The following COXFA4L2 variants were observed in gnomAD, a reference collection of about 807,000 sequenced individuals.
COXFA4L2 encodes cytochrome c oxidase hypoxia associated subunit FA4L2.
At chr12:57,237,446 T>C in the COXFA4L2 span, 3 of 857,992 alleles carry the variant, frequency 3.5e-6, no homozygotes, top group East Asian at 1.6e-4. Context: ...GGACAGGCAC[T>C]TAGCAAAATG....
the COXFA4L2 span, chr12:57,237,157 G>A: frequency 6.2e-7 from 1 of 1,613,710 alleles, no homozygotes; most frequent in East Asian, 2.2e-5. Flanking sequence ...CCGCCCCTGA[G>A]TGGGGAGGGA....
chr12:57,239,125 C>A, the COXFA4L2 span, among the ~76,000 whole-genome samples: 1 of 152,260 alleles, frequency 6.6e-6, no homozygotes, highest in African/African-American at 2.4e-5. This position sits in a 1 kb window ranked among gnomAD's most constrained non-coding sequence, Gnocchi z 5.5. Context: ...AAGCGCTAAC[C>A]CGCACCAGGA....
At chr12:57,235,948 C>T in the COXFA4L2 span, 30 of 605,078 alleles carry the variant, frequency 5.0e-5, no homozygotes, top group Non-Finnish European at 7.8e-5. Flanking sequence ...GGTCCCATTT[C>T]CCAGATACTG....
the COXFA4L2 span, chr12:57,240,749 C>T: frequency 1.0e-6 from 1 of 985,432 alleles, no homozygotes; most frequent in African/African-American, 1.7e-5. Context: ...ATACACAGAC[C>T]TGCAGGCGGA....
At chr12:57,236,278 C>T in the COXFA4L2 span, 1 of 384,636 alleles carries the variant, frequency 2.6e-6, no homozygotes, top group African/African-American at 2.1e-5. Context: ...GCCACAACCC[C>T]AGTGCTCTGG....
the COXFA4L2 span, chr12:57,237,327 T>G: frequency 7.0e-7 from 1 of 1,418,674 alleles, no homozygotes; most frequent in Admixed American, 2.9e-5. Flanking sequence ...CTCCTCCAGA[T>G]GTCTGCACCT....
At chr12:57,236,507 G>A in the COXFA4L2 span, 2 of 1,159,792 alleles carry the variant, frequency 1.7e-6, no homozygotes, top group East Asian at 2.6e-5. Context: ...CATGCAGCAG[G>A]GCACGGGATC....
At chr12:57,237,284 C>T in the COXFA4L2 span, 3 of 1,437,148 alleles carry the variant, frequency 2.1e-6, no homozygotes, top group South Asian at 1.5e-5. Flanking sequence ...GGGGAATTGT[C>T]TGGGAGCCAA....
chr12:57,237,259 G>A, the COXFA4L2 span: 2 of 1,464,382 alleles, frequency 1.4e-6, no homozygotes, highest in Non-Finnish European at 1.8e-6. Context: ...CTCAATTCCA[G>A]GCCCAAAGCC....
At chr12:57,236,674 G>C in the COXFA4L2 span, 3 of 1,565,086 alleles carry the variant, frequency 1.9e-6, no homozygotes, top group Admixed American at 5.8e-5. Context: ...GCCGATCATC[G>C]GGATGATCTG....
chr12:57,236,902 TG>T, the COXFA4L2 span: 1 of 1,338,146 alleles, frequency 7.5e-7, no homozygotes, highest in Non-Finnish European at 1.1e-6. Flanking sequence ...GGAGAGAGAC[TG>T]GGGCAACCTT....
At chr12:57,235,654 C>G in the COXFA4L2 span, 2 of 1,613,636 alleles carry the variant, frequency 1.2e-6, no homozygotes, top group Non-Finnish European at 1.7e-6. Flanking sequence ...GCGCTGAGTA[C>G]CCCAAGCCTC....
the COXFA4L2 span, among the ~76,000 whole-genome samples, chr12:57,236,033 C>G: frequency 6.6e-6 from 1 of 152,180 alleles, no homozygotes; most frequent in Non-Finnish European, 1.5e-5. Context: ...CATGGGGCTG[C>G]GTGACAAACT....
At chr12:57,238,084 C>T in the COXFA4L2 span, among the ~76,000 whole-genome samples, 2 of 152,080 alleles carry the variant, frequency 1.3e-5, no homozygotes, top group South Asian at 4.1e-4. The surrounding 1 kb of genome is among the most constrained non-coding windows in gnomAD (Gnocchi z 6.8). Context: ...CCCACTCCCA[C>T]GATAACCTCC....
chr12:57,240,655 G>A, the COXFA4L2 span: 1 of 984,698 alleles, frequency 1.0e-6, no homozygotes, highest in Non-Finnish European at 1.2e-6. Flanking sequence ...ACACGCCTAC[G>A]CACTGTCACT....
chr12:57,235,012 C>G, the COXFA4L2 span: 1 of 156,130 alleles, frequency 6.4e-6, no homozygotes, highest in Non-Finnish European at 1.4e-5. Context: ...AGGTGTGGGG[C>G]TGGAGGGGGT....
the COXFA4L2 span, among the ~76,000 whole-genome samples, chr12:57,237,625 A>G: frequency 6.6e-6 from 1 of 152,206 alleles, no homozygotes; most frequent in African/African-American, 2.4e-5. Context: ...CACACCGTAA[A>G]GCTCCCCCAG....
chr12:57,236,064 C>G, the COXFA4L2 span: 1 of 402,190 alleles, frequency 2.5e-6, no homozygotes, highest in Non-Finnish European at 4.4e-6. Flanking sequence ...CCCAGGGACT[C>G]CCACTTGCTG....
chr12:57,236,389 G>T, the COXFA4L2 span: 7 of 501,568 alleles, frequency 1.4e-5, no homozygotes, highest in African/African-American at 1.0e-4. Context: ...ATTTCAGGGC[G>T]GGCCAAGCTG....
Sources: allele counts gnomAD v4.1 joint callset (sites outside exome capture counted in the v4.1 genomes callset), GRCh38; gene constraint gnomAD v4.1.1; non-coding constraint Gnocchi (gnomAD v3.1); transcripts MANE v1.5; gene names NCBI Gene and HGNC (gene_info 2026-07-23, HGNC 2026-07-21).